SIDT1: variants seen among roughly 807,000 people sequenced by gnomAD.
SIDT1 encodes SID1 transmembrane family, member 1.
Under a neutral mutation model 107.5 loss-of-function variants are expected in SIDT1, and 101 were observed. That is an observed-to-expected ratio of 0.94 (90% CI 0.80 to 1.11). SIDT1 has a LOEUF of 1.11. Among genes scored for constraint, SIDT1 ranks in the 50% least tolerant of loss-of-function variants. SIDT1 has a pLI of 0.00. For missense variants in SIDT1, 1,076 were observed against 1,058.2 expected, an observed-to-expected ratio of 1.02 and a Z score of -0.23; for synonymous variants, 395 against 398.2, an observed-to-expected ratio of 0.99 and a Z score of 0.10.
chr3:113,613,000 G>C (rs1945857958), intron 19 of SIDT1, among the ~76,000 whole-genome samples: 1 of 152,146 alleles, frequency 6.6e-6, no homozygotes, highest in South Asian at 2.1e-4. Flanking sequence ...ATACATGAAA[G>C]GAGGGAAGAA....
At chr3:113,634,171 T>G (rs1234583567), downstream of SIDT1, among the ~76,000 whole-genome samples, 1 of 152,078 alleles carries the variant, frequency 6.6e-6, no homozygotes, top group Non-Finnish European at 1.5e-5. Context: ...CCTGAAGAAA[T>G]AAAAACAGCT....
intron 20 of SIDT1, among the ~76,000 whole-genome samples, chr3:113,616,930 C>T (rs1327372300): frequency 3.3e-5 from 5 of 152,198 alleles, no homozygotes; most frequent in East Asian, 1.9e-4. Context: ...TCAGGTGATC[C>T]GCCCACCTTG....
chr3:113,568,611 GA>G (rs1942151990), intron 3 of SIDT1, among the ~76,000 whole-genome samples: 2 of 148,028 alleles, frequency 1.4e-5, no homozygotes, highest in Non-Finnish European at 3.0e-5. Context: ...AAAAAGAAAA[GA>G]AAAGAAAAGA....
intron 11 of SIDT1, chr3:113,602,037 C>G (rs1464214724): frequency 6.0e-6 from 1 of 166,098 alleles, no homozygotes; most frequent in Non-Finnish European, 1.3e-5. Flanking sequence ...GAGTAAGGGG[C>G]GATCAGAAGA....
At chr3:113,549,161 G>A (rs1021014828) in intron 1 of SIDT1, among the ~76,000 whole-genome samples, 4 of 152,156 alleles carry the variant, frequency 2.6e-5, no homozygotes, top group Admixed American at 6.6e-5. Flanking sequence ...CTCTATTGAA[G>A]GACATCTGGT....
chr3:113,567,852 C>A (rs1942064656), intron 3 of SIDT1, 142 bp downstream of exon 3: 4 of 799,758 alleles, frequency 5.0e-6, no homozygotes, highest in East Asian at 5.3e-5. Context: ...AACTCTCCTG[C>A]CCATAACTGA....
intron 1 of SIDT1, among the ~76,000 whole-genome samples, chr3:113,541,270 A>T (rs1938828109): frequency 6.6e-6 from 1 of 152,132 alleles, no homozygotes; most frequent in Non-Finnish European, 1.5e-5. Context: ...CCCGGGTTCA[A>T]GAAATTCCCC....
intron 3 of SIDT1, among the ~76,000 whole-genome samples, chr3:113,576,368 A>G (rs77619605): frequency 0.021 from 3,138 of 152,248 alleles, 103 homozygotes; most frequent in African/African-American, 0.071. Context: ...ATTTCAGCCA[A>G]CGTGGCAGGC....
At chr3:113,614,996 T>G in intron 19 of SIDT1, 1 of 1,503,252 alleles carries the variant, frequency 6.7e-7, no homozygotes, top group South Asian at 1.2e-5. Flanking sequence ...GTAGTTTACA[T>G]GTTTGGCTAC....
At chr3:113,606,466 A>C (rs1450228836) in intron 14 of SIDT1, 1 of 152,262 alleles carries the variant, frequency 6.6e-6, no homozygotes, top group African/African-American at 2.4e-5. Context: ...ATGCAGTGAG[A>C]AAAAGGACTT....
intron 23 of SIDT1, among the ~76,000 whole-genome samples, chr3:113,624,524 T>C (rs1576998147): frequency 6.6e-6 from 1 of 152,346 alleles, no homozygotes; most frequent in East Asian, 1.9e-4. Context: ...TTGGATTGTT[T>C]CTATTTTTGT....
At chr3:113,590,531 T>G (rs537093270) in intron 9 of SIDT1, among the ~76,000 whole-genome samples, 1 of 152,352 alleles carries the variant, frequency 6.6e-6, no homozygotes, top group South Asian at 2.1e-4. Context: ...CTGTGATTTT[T>G]TAGGATATTC....
intron 17 of SIDT1, among the ~76,000 whole-genome samples, chr3:113,610,528 T>C (rs1224419158): frequency 1.3e-5 from 2 of 152,250 alleles, no homozygotes; most frequent in African/African-American, 4.8e-5. Flanking sequence ...TTTCCATCAC[T>C]AGGCTATAAA....
intron 1 of SIDT1, among the ~76,000 whole-genome samples, chr3:113,544,716 T>C (rs1458172481): frequency 6.6e-6 from 1 of 152,220 alleles, no homozygotes; most frequent in Non-Finnish European, 1.5e-5. Flanking sequence ...GCACATGATA[T>C]TGTGTTTCCC....
the SIDT1 span, among the ~76,000 whole-genome samples, chr3:113,636,806 CTGT>C: frequency 2.0e-5 from 3 of 152,192 alleles, no homozygotes; most frequent in African/African-American, 7.2e-5. Context: ...GGCAAAGGAG[CTGT>C]TGACCCTGAT....
At chr3:113,552,252 A>G (rs1477222810) in intron 1 of SIDT1, among the ~76,000 whole-genome samples, 1 of 152,192 alleles carries the variant, frequency 6.6e-6, no homozygotes, top group African/African-American at 2.4e-5. Context: ...AGGAAGAATT[A>G]TAGCTTTCTA....
At chr3:113,544,078 TTTTTGTTTTG>T (rs148655100) in intron 1 of SIDT1, among the ~76,000 whole-genome samples, 1 of 151,966 alleles carries the variant, frequency 6.6e-6, no homozygotes, top group Non-Finnish European at 1.5e-5. Context: ...GAAAAAAGGT[TTTTTGTTTTG>T]TTTTGTTTTG....
Position 113,532,867 on chromosome 3 carries a change from C to T in SIDT1, c.-155C>T, listed in dbSNP as rs907013766. The stretch of plus-strand genomic sequence containing the variant: ...CAGTATTTGATCGGCCCTTCGTCAG[C>T]ACGCTGCCAGCCCTGGCCGGCTGGG... On this transcript the variant is annotated 5_prime_UTR_variant, in exon 1 of 25. Coordinates refer to ENST00000264852, the MANE Select transcript of SIDT1 (RefSeq NM_017699.3). 1.1e-5 allele frequency: 5 copies of T among 464,596 alleles called. No homozygotes were observed. The highest frequency in any genetic ancestry group is 1.8e-5 in the Non-Finnish European group (5 of 277,988). 28.8% of individuals were successfully genotyped at this position (464,596 alleles called of 1,614,324 possible).
At chr3:113,565,207 G>C (rs900532987) in intron 1 of SIDT1, among the ~76,000 whole-genome samples, 1 of 152,022 alleles carries the variant, frequency 6.6e-6, no homozygotes, top group Non-Finnish European at 1.5e-5. Context: ...CTTCTATTTT[G>C]TTCTCTTACA....
Sources: allele counts gnomAD v4.1 joint callset (sites outside exome capture counted in the v4.1 genomes callset), GRCh38; gene constraint gnomAD v4.1.1; transcripts MANE v1.5; gene names NCBI Gene and HGNC (gene_info 2026-07-23, HGNC 2026-07-21).